Variants in CERS3 observed in about 807,000 individuals in gnomAD.
CERS3 encodes LAG1 homolog, ceramide synthase 3.
Under a neutral mutation model 50.3 loss-of-function variants are expected in CERS3, and 33 were observed. The ratio of observed to expected loss-of-function variants is 0.66; its 90% CI spans 0.50 to 0.88. CERS3 has a LOEUF of 0.88. CERS3 is among the 40% of genes least tolerant of loss of function. CERS3 has a pLI of 0.00. For missense variants in CERS3, 470 were observed against 460.3 expected, an observed-to-expected ratio of 1.02 and a Z score of -0.19; for synonymous variants, 176 against 155.2, an observed-to-expected ratio of 1.13 and a Z score of -0.99.
intron 11 of CERS3, among the ~76,000 whole-genome samples, chr15:100,426,793 T>C (rs367603829): frequency 6.6e-6 from 1 of 152,200 alleles, no homozygotes; most frequent in African/African-American, 2.4e-5. Flanking sequence ...TCTAGTCTCC[T>C]CCCCTTAACA....
At chr15:100,442,200 A>G (rs947735505) in intron 11 of CERS3, among the ~76,000 whole-genome samples, 1 of 152,220 alleles carries the variant, frequency 6.6e-6, no homozygotes, top group Non-Finnish European at 1.5e-5. Flanking sequence ...AACCCAGCCC[A>G]GTTCATGACT....
chr15:100,518,359 G>A (rs983160039), intron 2 of CERS3, among the ~76,000 whole-genome samples: 1 of 151,964 alleles, frequency 6.6e-6, no homozygotes, highest in African/African-American at 2.4e-5. Flanking sequence ...GAGAGAGAGA[G>A]CATGGCTCAT....
Position 100,493,084 on chromosome 15 carries a change from G to A in CERS3, c.174-2153C>T, listed in dbSNP as rs575717071. Among the ~76,000 whole-genome samples, 6 of 152,224 alleles carry A rather than the reference G, an allele frequency of 3.9e-5. No homozygotes were observed. In the South Asian group the frequency reaches 8.3e-4, roughly 21 times the overall value. ...TACAATTGCCTTTTAAATCAGATAG[G>A]AGAAAGTGTTAAAAACAAAAAATAT... On this transcript the variant is annotated intron_variant, in intron 3 of 11. Transcript: ENST00000679737.
At chr15:100,422,835 A>G (rs1266742017) in intron 11 of CERS3, among the ~76,000 whole-genome samples, 1 of 145,010 alleles carries the variant, frequency 6.9e-6, no homozygotes, top group Non-Finnish European at 1.5e-5. Context: ...TATCGCAAGA[A>G]CAAAAAACCA....
intron 2 of CERS3, among the ~76,000 whole-genome samples, chr15:100,513,166 T>C (rs184776326): frequency 6.6e-6 from 1 of 152,308 alleles, no homozygotes. Context: ...CTCCACAATA[T>C]ACTGTGATCT....
At chr15:100,414,245 G>C (rs2031718697) in intron 11 of CERS3, among the ~76,000 whole-genome samples, 1 of 152,084 alleles carries the variant, frequency 6.6e-6, no homozygotes, top group Non-Finnish European at 1.5e-5. Context: ...CCTCTTCAAG[G>C]AGAACTACAA....
chr15:100,508,085 A>G (rs534519490), intron 2 of CERS3, among the ~76,000 whole-genome samples: 1 of 152,176 alleles, frequency 6.6e-6, no homozygotes, highest in Non-Finnish European at 1.5e-5. Context: ...GATGACTCCA[A>G]TTTGGTTGTC....
chr15:100,417,951 CA>C (rs1490593868), intron 11 of CERS3, among the ~76,000 whole-genome samples: 2 of 151,958 alleles, frequency 1.3e-5, no homozygotes, highest in African/African-American at 4.8e-5. Context: ...CATCAAAGAC[CA>C]AAAGTAGATA....
intron 11 of CERS3, among the ~76,000 whole-genome samples, chr15:100,432,125 T>C (rs975262803): frequency 4.6e-5 from 7 of 151,870 alleles, no homozygotes; most frequent in Non-Finnish European, 1.0e-4. Flanking sequence ...GATTGTGCAG[T>C]GGGGCAATCA....
intron 11 of CERS3, among the ~76,000 whole-genome samples, chr15:100,414,397 T>C (rs1014570702): frequency 1.3e-5 from 2 of 152,106 alleles, no homozygotes; most frequent in East Asian, 1.9e-4. Flanking sequence ...TAAACTACCA[T>C]TGACATTCTT....
At chr15:100,490,016 G>C (rs1199519872) in intron 4 of CERS3, among the ~76,000 whole-genome samples, 1 of 152,192 alleles carries the variant, frequency 6.6e-6, no homozygotes, top group Non-Finnish European at 1.5e-5. Flanking sequence ...ATTTATCCTA[G>C]AACTGTGTTA....
At chr15:100,542,322 T>C (rs949331587) in intron 1 of CERS3, among the ~76,000 whole-genome samples, 3 of 152,198 alleles carry the variant, frequency 2.0e-5, no homozygotes, top group Admixed American at 6.5e-5. Context: ...GCAGAAACAA[T>C]GTAAAGCAAA....
intron 2 of CERS3, among the ~76,000 whole-genome samples, chr15:100,504,360 C>T (rs1036186187): frequency 3.3e-5 from 5 of 151,466 alleles, no homozygotes; most frequent in Non-Finnish European, 7.4e-5. Context: ...TCTCCTGCCT[C>T]AGCCTCCCAA....
At chr15:100,541,078 C>G (rs2037191045) in intron 1 of CERS3, among the ~76,000 whole-genome samples, 1 of 152,146 alleles carries the variant, frequency 6.6e-6, no homozygotes. Context: ...CTAGGGCATC[C>G]CTGAATGCCA....
chr15:100,411,950 C>G (rs1041746820), intron 11 of CERS3, among the ~76,000 whole-genome samples: 1 of 152,076 alleles, frequency 6.6e-6, no homozygotes, highest in Admixed American at 6.6e-5. Context: ...AATTTTGAAC[C>G]CAGGTCATTT....
intron 11 of CERS3, among the ~76,000 whole-genome samples, chr15:100,414,300 A>C (rs1479950221): frequency 6.6e-6 from 1 of 152,226 alleles, no homozygotes; most frequent in Non-Finnish European, 1.5e-5. Context: ...AAATGGAAAA[A>C]CATTCCATGT....
chr15:100,533,565 T>C (rs76765010), upstream of CERS3, among the ~76,000 whole-genome samples: 7 of 30,362 alleles, frequency 2.3e-4, no homozygotes, highest in South Asian at 1.7e-3. Context: ...TCTCTCTCTT[T>C]TTTTTTTTTT....
chr15:100,466,860 T>TC (rs1320166458), intron 10 of CERS3, among the ~76,000 whole-genome samples: 16,711 of 139,508 alleles, frequency 0.12, 5,719 homozygotes, highest in Middle Eastern at 0.18. Flanking sequence ...TCTCTCTTTC[T>TC]TTCTTTCTTT....
intron 11 of CERS3, among the ~76,000 whole-genome samples, chr15:100,420,323 A>T (rs2032325877): frequency 6.6e-6 from 1 of 151,336 alleles, no homozygotes; most frequent in African/African-American, 2.4e-5. Flanking sequence ...ATAAACTAGA[A>T]AGTCTAGAAG....
Sources: gnomAD v4.1 joint callset for allele counts (sites outside exome capture counted in the v4.1 genomes callset) on GRCh38, gnomAD v4.1.1 for gene constraint, MANE v1.5 for transcripts, NCBI Gene and HGNC (gene_info 2026-07-23, HGNC 2026-07-21) for gene names.